SETX: variants seen among roughly 807,000 people sequenced by gnomAD.
The protein encoded by SETX is senataxin.
In SETX, 90 loss-of-function variants were observed where a neutral mutation model predicts 227.2. The ratio of observed to expected loss-of-function variants is 0.40; its 90% confidence interval spans 0.33 to 0.47. The LOEUF is 0.47. Among genes scored for constraint, SETX ranks in the 20% least tolerant of loss-of-function variants. The pLI, the probability that SETX is intolerant of heterozygous loss-of-function variation, is 0.91. For missense variants in SETX, 3,052 were observed against 3,181.5 expected (o/e 0.96, Z 0.98); for synonymous variants, 1,210 against 1,113.2 (o/e 1.09, Z -1.73).
chr9:132,324,544 G>A (rs1239664119), intron 10 of SETX, among the ~76,000 whole-genome samples: 1 of 151,994 alleles, frequency 6.6e-6, no homozygotes, highest in Admixed American at 6.6e-5. Context: ...TAGTCACTTG[G>A]GTCTCAGTGT....
At chr9:132,288,737 A>G in intron 15 of SETX, 86 bp from the exon 16 acceptor site, 1 of 891,164 alleles carries the variant, frequency 1.1e-6, no homozygotes, top group South Asian at 1.4e-5. Context: ...TTTCTAAGTA[A>G]ATATGTTAAT....
chr9:132,345,836 GAAAC>G, intron 4 of SETX, among the ~76,000 whole-genome samples: 1 of 152,172 alleles, frequency 6.6e-6, no homozygotes, highest in African/African-American at 2.4e-5. Flanking sequence ...GGGCAACAGT[GAAAC>G]TTCATCTCTA....
At chr9:132,272,787 G>A (rs754080014) in intron 23 of SETX, among the ~76,000 whole-genome samples, 9 of 152,160 alleles carry the variant, frequency 5.9e-5, no homozygotes, top group Non-Finnish European at 1.0e-4. Flanking sequence ...CATTTCCAAA[G>A]TTCATCCATG....
chr9:132,345,768 G>C (rs1366792612), intron 4 of SETX, among the ~76,000 whole-genome samples: 1 of 152,142 alleles, frequency 6.6e-6, no homozygotes, highest in African/African-American at 2.4e-5. Flanking sequence ...TATAATCCCA[G>C]CAATTTGGGA....
chr9:132,324,245 A>G (rs1048539366), intron 10 of SETX, among the ~76,000 whole-genome samples: 9 of 152,312 alleles, frequency 5.9e-5, no homozygotes, highest in African/African-American at 1.9e-4. Context: ...TGCTAAAACA[A>G]AAGTACCTTA....
At chr9:132,310,702 T>C (rs73547076) in intron 11 of SETX, among the ~76,000 whole-genome samples, 342 of 152,292 alleles carry the variant, frequency 2.2e-3, no homozygotes, top group African/African-American at 7.1e-3. Flanking sequence ...CAGCTGACAA[T>C]TGAACATGAG....
At position 132,327,872 on chromosome 9, in the gene SETX, A is replaced by G; in HGVS notation, c.3726T>C (p.Pro1242=). 6.2e-7 allele frequency: 1 copy of G among 1,614,172 alleles called. No homozygotes were observed. Among genetic ancestry groups the G allele is most frequent in the East Asian group, 2.2e-5 (1 of 44,884 alleles). ...PIRKVPVSKT[P]KKTHSDAKKG... is the part of the protein sequence containing the mutation. ...TTTTGGCATCTGAATGAGTTTTCTTAGGGGTCTTAGAAACTGGAACTTTCC... is the reference window on the plus strand; with the variant it reads ...TTTTGGCATCTGAATGAGTTTTCTTGGGGGTCTTAGAAACTGGAACTTTCC... Residue 1242 remains proline (P), a synonymous_variant, in exon 10 of 26, where the codon CCT becomes CCC. Transcript: ENST00000224140.
In SETX at chr9:132,328,582, C is replaced by T. The variant is rs141266068; in HGVS notation, c.3016G>A (p.Gly1006Arg). ...RCFTANQNNVGDTSRGQVIII... is the reference protein window; with the variant it reads ...RCFTANQNNVRDTSRGQVIII... Reference sequence around the variant, plus strand: ...ATAACCTGTCCACGGGAGGTATCTCCAACATTATTTTGGTTAGCTGTGAAA... The same window carrying T: ...ATAACCTGTCCACGGGAGGTATCTCTAACATTATTTTGGTTAGCTGTGAAA... The change falls in exon 10 of 26, where the codon GGA becomes AGA. Residue 1006 changes from glycine (G) to arginine (R), a missense_variant. Gly to Arg is a moderately radical substitution (Grantham distance 125). Transcript: ENST00000224140. The T allele has an allele frequency of 8.1e-5, 130 of 1,613,944 alleles. No individual in the cohort carries two copies. The Middle Eastern group carries it at 1.3e-3, about 16-fold the overall frequency.
intron 10 of SETX, among the ~76,000 whole-genome samples, chr9:132,317,643 TA>T (rs1846063897): frequency 6.6e-6 from 1 of 151,890 alleles, no homozygotes; most frequent in Non-Finnish European, 1.5e-5. Context: ...TTTTTTTTTT[TA>T]AAGGGACAGG....
intron 18 of SETX, 46 bp downstream of exon 18, chr9:132,286,377 A>G: frequency 7.0e-7 from 1 of 1,421,958 alleles, no homozygotes; most frequent in Non-Finnish European, 9.7e-7. Flanking sequence ...AAATTTTAAA[A>G]AGAAAAAAAA....
At chr9:132,271,418 A>G (rs1333790955) in intron 24 of SETX, among the ~76,000 whole-genome samples, 3 of 152,178 alleles carry the variant, frequency 2.0e-5, no homozygotes, top group African/African-American at 7.2e-5. Flanking sequence ...TACAAAAATT[A>G]GCTGGGCGTG....
chr9:132,269,331 T>G, intron 25 of SETX: 1 of 1,167,656 alleles, frequency 8.6e-7, no homozygotes, highest in Admixed American at 2.8e-5. Flanking sequence ...TTTGGCACTT[T>G]ACATCTGTGG....
At chr9:132,281,424 A>G in intron 20 of SETX, 43 bp downstream of exon 20, 1 of 1,467,122 alleles carries the variant, frequency 6.8e-7, no homozygotes, top group Non-Finnish European at 9.6e-7. Context: ...AAATTTTAAA[A>G]AGCCCCTTCC....
chr9:132,347,084 G>A (rs1012971677), intron 3 of SETX, among the ~76,000 whole-genome samples: 3 of 151,730 alleles, frequency 2.0e-5, no homozygotes, highest in Non-Finnish European at 2.9e-5. Flanking sequence ...GAGGAACCTC[G>A]TCTCTACTAA....
intron 18 of SETX, among the ~76,000 whole-genome samples, chr9:132,285,799 G>C (rs1480578245): frequency 2.0e-5 from 3 of 150,016 alleles, no homozygotes; most frequent in Non-Finnish European, 4.4e-5. Context: ...AGAATCACTT[G>C]AACCTGGGAG....
At position 132,330,007 on chromosome 9, in the gene SETX, C is replaced by T; in HGVS notation, c.1591G>A (p.Val531Ile). Residue 531 changes from valine to isoleucine, a missense_variant, in exon 10 of 26, where the codon GTA becomes ATA. Physicochemically the swap from Val to Ile is conservative, Grantham distance 29. Coordinates refer to ENST00000224140, the MANE Select transcript of SETX (RefSeq NM_015046.7). ...ATCAGCTGCACATAAGCAAGTTGTA[C>T]AGAGTTAGATGGCATGGAATGCAAT... The part of the protein sequence containing the change: ...LSLHSMPSNS[V>I]QLAYVQLIRS... 1 of 1,614,154 alleles carries T rather than the reference C, an allele frequency of 6.2e-7. No individual in the cohort carries two copies. Among genetic ancestry groups the T allele is most frequent in the Non-Finnish European group, 8.5e-7 (1 of 1,179,984 alleles).
rs771502043 is a variant in SETX at position 132,336,379 on chromosome 9, G to C, written c.635C>G (p.Thr212Ser). ...LGLLESPDIY[T>S]SSVLEKGKLI... ...TTTACCCTTCTCTAGGACAGAAGAA[G>C]TATAAATGTCTGGACTCTCTAAAAG... The change falls in exon 6 of 26, where the codon ACT becomes AGT. Residue 212 changes from threonine (T) to serine (S), a missense_variant. Around this residue, in one of 10 missense-constraint regions of SETX, gnomAD observed 239 missense variants for 240.8 expected, o/e 0.99. Transcript: ENST00000224140. 3.7e-6 allele frequency: 6 copies of C among 1,614,126 alleles called. No individual in the cohort carries two copies. Among genetic ancestry groups the C allele is most frequent in the Non-Finnish European group, 5.1e-6 (6 of 1,179,992 alleles).
In SETX at chr9:132,329,446, T is replaced by A; in HGVS notation, c.2152A>T (p.Ile718Phe). ...CAGTCCTTTGGTGTATATGAAGAGA[T>A]CTCTTTTACAGACTTCTGCTTCCTT... ...STRKQKSVKE[I>F]SSYTPKDCTS... Residue 718 changes from isoleucine (I) to phenylalanine (F), a missense_variant, in exon 10 of 26, where the codon ATC becomes TTC. Physicochemically the swap from Ile to Phe is conservative, Grantham distance 21. Transcript: ENST00000224140. 1.2e-6 allele frequency: 2 copies of A among 1,613,354 alleles called. No homozygotes were observed. The highest frequency in any genetic ancestry group is 1.3e-5 in the African/African-American group (1 of 75,048).
chr9:132,292,446 G>GAAAAAAAAAA, intron 15 of SETX, among the ~76,000 whole-genome samples: 1 of 143,790 alleles, frequency 7.0e-6, no homozygotes. Flanking sequence ...AAGAAAACAT[G>GAAAAAAAAAA]ATTAGACTTA....
Sources: gnomAD v4.1 joint callset for allele counts (sites outside exome capture counted in the v4.1 genomes callset) on GRCh38, gnomAD v4.1.1 for gene constraint, gnomAD v4.1.1 regional missense constraint, MANE v1.5 for transcripts, NCBI Gene and HGNC (gene_info 2026-07-23, HGNC 2026-07-21) for gene names.